DTNA: variants seen among roughly 807,000 people sequenced by gnomAD.
DTNA encodes dystrophin-related protein 3.
In DTNA, 43 loss-of-function variants were observed where a neutral mutation model predicts 100.7. The observed-to-expected ratio is 0.43, with a 90% CI of 0.33 to 0.55. DTNA has a LOEUF of 0.55. Among genes scored for constraint, DTNA ranks in the 20% least tolerant of loss-of-function variants. The probability of loss-of-function intolerance (pLI) is 0.04; values close to 1 mark genes in which losing one functional copy is unlikely to be tolerated. For synonymous variants in DTNA, 349 were observed against 347.9 expected (o/e 1.00, Z -0.04); for missense variants, 798 against 953.9 (o/e 0.84, Z 2.15).
chr18:34,794,377 G>T, intron 4 of DTNA, 127 bp downstream of exon 4: 1 of 1,032,644 alleles, frequency 9.7e-7, no homozygotes, highest in South Asian at 1.5e-5. Flanking sequence ...TTCTTACAGT[G>T]GATGCTTATG....
At chr18:34,685,459 C>T (rs545632458) in intron 1 of DTNA, among the ~76,000 whole-genome samples, 87 of 152,080 alleles carry the variant, frequency 5.7e-4, no homozygotes, top group African/African-American at 1.7e-3. Context: ...AGATGTGTGG[C>T]GTTATTTCTG....
At chr18:34,667,379 T>A (rs967735151) in intron 1 of DTNA, among the ~76,000 whole-genome samples, 5 of 152,188 alleles carry the variant, frequency 3.3e-5, no homozygotes, top group African/African-American at 1.2e-4. Context: ...ACAGCGACAA[T>A]TTGACTTCCT....
chr18:34,827,159 C>A (rs773243249), intron 9 of DTNA, among the ~76,000 whole-genome samples: 1 of 152,224 alleles, frequency 6.6e-6, no homozygotes, highest in African/African-American at 2.4e-5. Context: ...AGAGGCCCAT[C>A]ATCATGGAGA....
intron 1 of DTNA, among the ~76,000 whole-genome samples, chr18:34,511,326 TCCTAC>T (rs2041066049): frequency 6.6e-6 from 1 of 152,160 alleles, no homozygotes; most frequent in Non-Finnish European, 1.5e-5. Context: ...ATTATCTCAA[TCCTAC>T]TCAGTAACCC....
At chr18:34,873,934 G>A (rs1450371491) in intron 17 of DTNA, among the ~76,000 whole-genome samples, 1 of 152,178 alleles carries the variant, frequency 6.6e-6, no homozygotes, top group African/African-American at 2.4e-5. Flanking sequence ...CCATTACAAG[G>A]TACTGTTGAG....
chr18:34,710,625 T>G (rs1172689149), intron 1 of DTNA, among the ~76,000 whole-genome samples, 180 bp downstream of exon 1: 1 of 151,782 alleles, frequency 6.6e-6, no homozygotes, highest in East Asian at 1.9e-4. Context: ...AATTTGAAAG[T>G]CTAAGATGTT....
chr18:34,496,941 C>G, intron 1 of DTNA, among the ~76,000 whole-genome samples: 1 of 152,128 alleles, frequency 6.6e-6, no homozygotes, highest in Non-Finnish European at 1.5e-5. Context: ...CTGTATTCAC[C>G]AGGAGACATA....
At position 34,755,993 on chromosome 18, in the gene DTNA, G is replaced by C. The variant is rs397517446; in HGVS notation, c.17G>C (p.Gly6Ala). 4 of 1,613,134 alleles carry C rather than the reference G, an allele frequency of 2.5e-6. No individual in the cohort carries two copies. The highest frequency in any genetic ancestry group is 1.1e-5 in the South Asian group (1 of 91,056). Residue 6 changes from glycine to alanine, a missense_variant, in exon 2 of 23, where the codon GGG becomes GCG. By Grantham distance (60) the Gly-to-Ala change is moderately conservative. Transcript: ENST00000444659. MIEDS[G>A]KRGNTMAERR... is the part of the protein sequence containing the mutation. ...TCTCATAGAATGATTGAAGATAGTG[G>C]GAAAAGAGGAAATACCATGGCAGAA...
chr18:34,531,701 A>G (rs148886611), intron 1 of DTNA, among the ~76,000 whole-genome samples: 3 of 152,266 alleles, frequency 2.0e-5, no homozygotes, highest in Admixed American at 1.3e-4. Flanking sequence ...TTTTGAAGTC[A>G]TCTTAAATTC....
Position 34,818,514 on chromosome 18 carries a change from C to T in DTNA, c.876+184C>T. The T allele has an allele frequency of 2.7e-6, 4 of 1,483,810 alleles. No homozygotes were observed. In the South Asian group the frequency reaches 5.2e-5, roughly 19 times the overall value. 91.9% of individuals were successfully genotyped at this position (1,483,810 alleles called of 1,614,324 possible). On this transcript the variant is annotated intron_variant, in intron 8 of 22. Transcript: ENST00000444659. ...TGCTCTTACTTATTCTGTTGGAACC[C>T]AGTGTAGCTTCCTGAGATTTAAAAT... is the stretch of plus-strand genomic sequence containing the variant.
intron 1 of DTNA, among the ~76,000 whole-genome samples, chr18:34,653,394 A>G (rs1018432125): frequency 6.6e-6 from 1 of 152,126 alleles, no homozygotes; most frequent in African/African-American, 2.4e-5. Context: ...TGTGATTCAT[A>G]GTGACTACTA....
intron 1 of DTNA, among the ~76,000 whole-genome samples, chr18:34,694,234 A>G (rs1344283021): frequency 6.6e-6 from 1 of 152,190 alleles, no homozygotes; most frequent in Non-Finnish European, 1.5e-5. Context: ...TTTGCAGAAT[A>G]CTATTTACCT....
intron 1 of DTNA, among the ~76,000 whole-genome samples, chr18:34,573,395 A>G (rs925319226): frequency 6.6e-6 from 1 of 152,108 alleles, no homozygotes; most frequent in African/African-American, 2.4e-5. Flanking sequence ...AATGCCTAAA[A>G]TCCCGTTTTA....
At position 34,889,695 on chromosome 18, in the gene DTNA, T is replaced by G; in HGVS notation, c.*1961T>G. 1 of 985,900 alleles carries G rather than the reference T, an allele frequency of 1.0e-6. No homozygotes were observed. The highest frequency in any genetic ancestry group is 1.2e-6 in the Non-Finnish European group (1 of 830,000). 61.1% of individuals were successfully genotyped at this position (985,900 alleles called of 1,614,324 possible). A position where few individuals can be genotyped will look rare whatever the true frequency, so the allele number is the denominator to read the frequency against. ...CAAATCACTTGCCTTGGGGATAAAG[T>G]GCTCAATTGGCATTAGTGAGAAGCC... is the stretch of plus-strand genomic sequence containing the variant. On this transcript the variant is annotated 3_prime_UTR_variant, in exon 23 of 23. Transcript: ENST00000444659.
At chr18:34,631,600 A>G (rs1461918077) in intron 1 of DTNA, among the ~76,000 whole-genome samples, 4 of 152,236 alleles carry the variant, frequency 2.6e-5, no homozygotes, top group African/African-American at 9.6e-5. Context: ...TCTAAATACA[A>G]TGACGTAGTC....
intron 11 of DTNA, among the ~76,000 whole-genome samples, chr18:34,837,249 A>G (rs1435225986): frequency 1.3e-5 from 2 of 152,224 alleles, no homozygotes; most frequent in African/African-American, 4.8e-5. Flanking sequence ...CAAACACATT[A>G]CCAATACAAT....
At chr18:34,677,944 A>AAAG (rs1426280744) in intron 1 of DTNA, among the ~76,000 whole-genome samples, 3 of 152,224 alleles carry the variant, frequency 2.0e-5, no homozygotes, top group African/African-American at 7.2e-5. Flanking sequence ...TTTATAAAGG[A>AAAG]AAGAAGTATA....
intron 1 of DTNA, among the ~76,000 whole-genome samples, chr18:34,659,085 C>T (rs1006969412): frequency 4.6e-5 from 7 of 151,292 alleles, no homozygotes; most frequent in Admixed American, 6.6e-5. Flanking sequence ...ATTTACTGTA[C>T]GTGTGTGTGT....
At chr18:34,532,820 A>G (rs887632619) in intron 1 of DTNA, among the ~76,000 whole-genome samples, 15 of 151,880 alleles carry the variant, frequency 9.9e-5, no homozygotes, top group Admixed American at 6.6e-5. Flanking sequence ...ATTAGAAGCC[A>G]TGTGGTCAGG....
Sources: allele counts gnomAD v4.1 joint callset (sites outside exome capture counted in the v4.1 genomes callset), GRCh38; gene constraint gnomAD v4.1.1; transcripts MANE v1.5; gene names NCBI Gene and HGNC (gene_info 2026-07-23, HGNC 2026-07-21).